Variants in ALMS1 observed in about 807,000 individuals in gnomAD.
ALMS1 encodes ALMS1 centrosome and basal body associated protein.
In ALMS1, 271 loss-of-function variants were observed where a neutral mutation model predicts 352.2. The observed-to-expected ratio is 0.77, with a 90% CI of 0.70 to 0.85. The LOEUF (loss-of-function observed/expected upper bound fraction) is 0.85. Ranked by LOEUF, ALMS1 falls within the 40% of genes least tolerant of loss-of-function variation. The pLI, the probability that ALMS1 is intolerant of heterozygous loss-of-function variation, is 0.00. For synonymous variants in ALMS1, 1,865 were observed against 1,761.2 expected (o/e 1.06, Z -1.48); for missense variants, 5,445 against 4,870.7 (o/e 1.12, Z -3.51).
chr2:73,456,939 TG>T (rs1672078680), intron 9 of ALMS1: 1 of 152,192 alleles, frequency 6.6e-6, no homozygotes, highest in Non-Finnish European at 1.5e-5. Context: ...TGCCTTCCTT[TG>T]GGTAGACTCT....
Position 73,559,603 on chromosome 2 carries a change from C to G in ALMS1, c.10384+461C>G, listed in dbSNP as rs78250432. On this transcript the variant is annotated intron_variant, in intron 15 of 22. Transcript: ENST00000613296. Reference sequence around the variant, plus strand: ...CGTATAGAACACAAGACATTACTACCTAGCCATCAAGCTTTACCTCTTAGA... The same window carrying G: ...CGTATAGAACACAAGACATTACTACGTAGCCATCAAGCTTTACCTCTTAGA... Among the ~76,000 whole-genome samples, 185 of 152,208 alleles carry G rather than the reference C, an allele frequency of 1.2e-3. 5 individuals are homozygous for G. The East Asian group carries it at 0.032, about 27-fold the overall frequency.
At chr2:73,608,307 G>A (rs954690374) in intron 21 of ALMS1, among the ~76,000 whole-genome samples, 168 bp from the exon 22 acceptor site, 2 of 152,148 alleles carry the variant, frequency 1.3e-5, no homozygotes, top group African/African-American at 4.8e-5. Flanking sequence ...GTGAGCCCCG[G>A]GCTAGGGTTT....
rs749573527 is a variant in ALMS1, at chr2:73,450,974, A to G, written c.4447A>G (p.Ile1483Val). 14 of 1,613,866 alleles carry G rather than the reference A, an allele frequency of 8.7e-6. No individual in the cohort carries two copies. Among genetic ancestry groups the G allele is most frequent in the Admixed American group, 6.7e-5 (4 of 59,996 alleles). Residue 1483 changes from isoleucine (I) to valine (V), a missense_variant, in exon 8 of 23, where the codon ATT becomes GTT. By Grantham distance (29) the Ile-to-Val change is conservative. Coordinates refer to ENST00000613296, the MANE Select transcript of ALMS1 (RefSeq NM_001378454.1). ...SPSSSFGEKP[I>V]VIYKQAFPEG... ...TTCCAGCTCATTTGGAGAGAAGCCC[A>G]TTGTTATCTACAAACAGGCCTTTCC... is the stretch of plus-strand genomic sequence containing the variant.
At chr2:73,509,588 C>G (rs1052499744) in intron 10 of ALMS1, among the ~76,000 whole-genome samples, 1 of 152,122 alleles carries the variant, frequency 6.6e-6, no homozygotes, top group African/African-American at 2.4e-5. Flanking sequence ...ATGTTGGCCC[C>G]CACTCTCTTC....
intron 1 of ALMS1, among the ~76,000 whole-genome samples, chr2:73,403,579 A>G (rs891656459): frequency 6.6e-6 from 1 of 151,948 alleles, no homozygotes; most frequent in Non-Finnish European, 1.5e-5. Flanking sequence ...TGCCATTGGC[A>G]TTTTCATAAG....
chr2:73,471,010 A>T (rs932456160), intron 9 of ALMS1: 1 of 151,778 alleles, frequency 6.6e-6, no homozygotes, highest in African/African-American at 2.4e-5. Context: ...TCTCTTCTAG[A>T]TAGTATATAG....
At chr2:73,461,486 TA>T (rs1459459617) in intron 9 of ALMS1, among the ~76,000 whole-genome samples, 2 of 152,104 alleles carry the variant, frequency 1.3e-5, no homozygotes, top group Non-Finnish European at 2.9e-5. Flanking sequence ...CAAAGGTAGA[TA>T]AAACCACAAA....
At chr2:73,466,550 G>A (rs1239625587) in intron 9 of ALMS1, among the ~76,000 whole-genome samples, 2 of 151,582 alleles carry the variant, frequency 1.3e-5, no homozygotes, top group African/African-American at 2.4e-5. Context: ...TAAATGACGA[G>A]TTAATGGGTG....
At chr2:73,548,685 C>G (rs548476565) in intron 12 of ALMS1, among the ~76,000 whole-genome samples, 136 of 152,310 alleles carry the variant, frequency 8.9e-4, no homozygotes, top group African/African-American at 2.8e-3. Flanking sequence ...GAAGACACAT[C>G]TTTTCTAATT....
chr2:73,390,943 G>A (rs1237275624), intron 1 of ALMS1, among the ~76,000 whole-genome samples: 1 of 151,808 alleles, frequency 6.6e-6, no homozygotes, highest in African/African-American at 2.4e-5. Context: ...GCTAATTTTT[G>A]TATTTTTAGT....
At chr2:73,491,573 G>A (rs771980865) in intron 10 of ALMS1, 75 bp downstream of exon 10, 31 of 1,490,184 alleles carry the variant, frequency 2.1e-5, no homozygotes, top group Admixed American at 1.1e-4. Flanking sequence ...AGTAGATATC[G>A]GTTCTTGGGG....
At chr2:73,456,470 A>G (rs1176685943) in intron 9 of ALMS1, among the ~76,000 whole-genome samples, 5 of 152,196 alleles carry the variant, frequency 3.3e-5, no homozygotes, top group African/African-American at 1.2e-4. Flanking sequence ...GGTGTGGATT[A>G]TGTGAGATAA....
rs1433076333 is a variant in ALMS1, at chr2:73,491,427, G to A, written c.9468G>A (p.Arg3156=). 3.7e-6 allele frequency: 6 copies of A among 1,614,116 alleles called. No individual in the cohort carries two copies. The highest frequency in any genetic ancestry group is 5.1e-6 in the Non-Finnish European group (6 of 1,180,018). The change falls in exon 10 of 23, where the codon AGG becomes AGA. Residue 3156 remains arginine, a synonymous_variant. Coordinates refer to ENST00000613296, the MANE Select transcript of ALMS1 (RefSeq NM_001378454.1). ...PSQNSQIVTS[R]QIQVNISDFE... is the part of the protein sequence containing the mutation. The stretch of plus-strand genomic sequence containing the variant: ...AGAATAGCCAGATAGTAACCTCCAG[G>A]CAAATACAAGTGAACATTTCAGATT...
At chr2:73,515,768 T>C (rs368250171) in intron 10 of ALMS1, among the ~76,000 whole-genome samples, 1 of 141,480 alleles carries the variant, frequency 7.1e-6, no homozygotes, top group Non-Finnish European at 1.5e-5. Context: ...TCCACAGAAA[T>C]ACACACACAC....
chr2:73,404,476 T>C (rs1670933512), intron 1 of ALMS1, among the ~76,000 whole-genome samples: 1 of 152,106 alleles, frequency 6.6e-6, no homozygotes, highest in South Asian at 2.1e-4. Context: ...GACTTTTTTT[T>C]TTTTTAAATA....
At chr2:73,430,167 C>T (rs1218104797) in intron 6 of ALMS1, among the ~76,000 whole-genome samples, 2 of 151,538 alleles carry the variant, frequency 1.3e-5, no homozygotes, top group African/African-American at 2.4e-5. Context: ...AGCTCCGCCT[C>T]CCGGGTTCAC....
intron 16 of ALMS1, among the ~76,000 whole-genome samples, chr2:73,589,655 CCTACATTGCTGTAAGTATATAT>C (rs1043506043): frequency 3.9e-5 from 6 of 152,158 alleles, no homozygotes; most frequent in African/African-American, 1.4e-4. Flanking sequence ...TCAAAGTCTG[CCTACATTGCTGTAAGTATATAT>C]CTACATTGCT....
chr2:73,513,927 C>G (rs1274345816), intron 10 of ALMS1, among the ~76,000 whole-genome samples: 3 of 152,146 alleles, frequency 2.0e-5, no homozygotes, highest in South Asian at 2.1e-4. Flanking sequence ...ACTCCATTTG[C>G]TACAGATTCC....
chr2:73,435,548 T>C lies in ALMS1; in HGVS notation c.1432+3257T>C, dbSNP rs141646529. On this transcript the variant is annotated intron_variant, in intron 7 of 22. Transcript: ENST00000613296. ...GTATAGCTCTATTCCCTCTTTTTTT[T>C]TGGTGCTATTATTGTTATACATACT... 5.8e-3 allele frequency among the ~76,000 whole-genome samples: 889 copies of C among 152,050 alleles called. 11 individuals are homozygous for C. Among genetic ancestry groups the C allele is most frequent in the Middle Eastern group, 0.037 (11 of 294 alleles).
Sources: allele counts gnomAD v4.1 joint callset (sites outside exome capture counted in the v4.1 genomes callset), GRCh38; gene constraint gnomAD v4.1.1; transcripts MANE v1.5; gene names NCBI Gene and HGNC (gene_info 2026-07-23, HGNC 2026-07-21).